SLC41A3: variants seen among roughly 807,000 people sequenced by gnomAD.
SLC41A3 encodes solute carrier family 41 member 3.
In SLC41A3, 44 loss-of-function variants were observed where a neutral mutation model predicts 45.4. That is an observed-to-expected ratio of 0.97 (90% confidence interval 0.76 to 1.25). SLC41A3 has a LOEUF of 1.25. Ranked by LOEUF, SLC41A3 falls within the 50% of genes most tolerant of loss-of-function variation. The pLI is 0.00. For synonymous variants in SLC41A3, 256 were observed against 252.4 expected, an observed-to-expected ratio of 1.01 and a Z score of -0.13; for missense variants, 550 against 600.6, an observed-to-expected ratio of 0.92 and a Z score of 0.88.
chr3:126,044,889 C>A (rs1942849074), intron 3 of SLC41A3, among the ~76,000 whole-genome samples: 1 of 56,594 alleles, frequency 1.8e-5, no homozygotes, highest in African/African-American at 6.6e-5. Flanking sequence ...GAGCGAGACT[C>A]CATCTCAAAA....
At chr3:126,081,955 A>G (rs1176925840) in intron 1 of SLC41A3, among the ~76,000 whole-genome samples, 1 of 152,250 alleles carries the variant, frequency 6.6e-6, no homozygotes, top group Non-Finnish European at 1.5e-5. Flanking sequence ...AGCTGTACCT[A>G]GAGAGCCCCA....
At chr3:126,015,343 T>G (rs948085470) in intron 8 of SLC41A3, 151 bp downstream of exon 8, 67 of 701,298 alleles carry the variant, frequency 9.6e-5, no homozygotes, top group Non-Finnish European at 8.2e-5. Flanking sequence ...TGCTCCAGCA[T>G]CCCTGTAAGG....
intron 6 of SLC41A3, among the ~76,000 whole-genome samples, chr3:126,020,271 G>A (rs1030357356): frequency 2.0e-5 from 3 of 152,214 alleles, no homozygotes; most frequent in Admixed American, 6.5e-5. Flanking sequence ...CCCCTGAAAC[G>A]ATTCCGTCTT....
At chr3:126,093,965 A>C (rs1945544593) in intron 1 of SLC41A3, among the ~76,000 whole-genome samples, 1 of 152,236 alleles carries the variant, frequency 6.6e-6, no homozygotes, top group Admixed American at 6.5e-5. Context: ...TGCTCAATTT[A>C]ACATAGTTAG....
chr3:126,074,974 G>A (rs1576362623), intron 1 of SLC41A3, among the ~76,000 whole-genome samples: 1 of 145,334 alleles, frequency 6.9e-6, no homozygotes, highest in Non-Finnish European at 1.5e-5. Context: ...CACCATGCTT[G>A]GCTAGTATTT....
At chr3:126,037,023 T>C (rs1393991401) in intron 3 of SLC41A3, among the ~76,000 whole-genome samples, 1 of 152,204 alleles carries the variant, frequency 6.6e-6, no homozygotes, top group South Asian at 2.1e-4. Flanking sequence ...CCAAATCTCA[T>C]GTGGAAATGT....
Position 126,067,969 on chromosome 3 carries a change from C to G in SLC41A3, c.251G>C (p.Gly84Ala), listed in dbSNP as rs1387490479. 6.2e-7 allele frequency: 1 copy of G among 1,606,054 alleles called. No individual in the cohort carries two copies. Among genetic ancestry groups the G allele is most frequent in the Admixed American group, 1.7e-5 (1 of 58,072 alleles). Reference sequence around the variant, plus strand: ...TACCTGGAAATAGTCCAGAAGCATGCCGGCCCAGGACAGTCCCAGGCCTGC... The same window carrying G: ...TACCTGGAAATAGTCCAGAAGCATGGCGGCCCAGGACAGTCCCAGGCCTGC... The part of the protein sequence containing the change: ...MFAGLGLSWA[G>A]MLLDYFQHWP... Residue 84 changes from glycine (G) to alanine (A), a missense_variant, in exon 2 of 11, where the codon GGC (glycine) becomes GCC (alanine). By Grantham distance (60) the Gly-to-Ala change is moderately conservative (BLOSUM62 0). Coordinates refer to ENST00000360370, the MANE Select transcript of SLC41A3 (RefSeq NM_017836.4).
At chr3:126,021,380 G>A (rs79234587) in intron 6 of SLC41A3, among the ~76,000 whole-genome samples, 10,663 of 152,178 alleles carry the variant, frequency 0.07, 1,068 homozygotes, top group African/African-American at 0.22. Context: ...CTGGTCCAGC[G>A]CTCCAGAGGA....
intron 6 of SLC41A3, among the ~76,000 whole-genome samples, chr3:126,018,606 T>A (rs1317681548): frequency 1.3e-5 from 2 of 152,310 alleles, no homozygotes; most frequent in African/African-American, 2.4e-5. Context: ...CTTTCTCAAA[T>A]CCCTAGGCCT....
intron 4 of SLC41A3, among the ~76,000 whole-genome samples, chr3:126,028,496 T>C (rs1941545264): frequency 6.6e-6 from 1 of 152,242 alleles, no homozygotes; most frequent in Admixed American, 6.5e-5. Flanking sequence ...TTTCAGAGGA[T>C]GTATGGAAAA....
rs1378159850 is a variant in SLC41A3 at position 126,008,775 on chromosome 3, C to T, written c.1211G>A (p.Ser404Asn). The change falls in exon 10 of 11, where the codon AGC (serine) becomes AAC (asparagine). Residue 404 changes from serine (S) to asparagine (N), a missense_variant. By Grantham distance (46) the Ser-to-Asn change is conservative. Transcript: ENST00000360370. ...CAGGTAGAGCACCACAAAGGTCTGG[C>T]TGTTTATGACTGACTGACCCTCCAC... is the stretch of plus-strand genomic sequence containing the variant. ...YLVEGQSVIN[S>N]QTFVVLYLLA... 4.3e-6 allele frequency: 7 copies of T among 1,614,122 alleles called. No individual in the cohort carries two copies. The highest frequency in any genetic ancestry group is 4.2e-6 in the Non-Finnish European group (5 of 1,179,990).
chr3:126,020,030 T>C (rs1324364477), intron 6 of SLC41A3, among the ~76,000 whole-genome samples: 2 of 152,102 alleles, frequency 1.3e-5, no homozygotes, highest in African/African-American at 2.4e-5. Flanking sequence ...GACAAAATAC[T>C]TCCAAAACTT....
chr3:126,010,664 G>T (rs1259254702), intron 9 of SLC41A3, among the ~76,000 whole-genome samples: 5 of 152,208 alleles, frequency 3.3e-5, no homozygotes, highest in Admixed American at 3.3e-4. Flanking sequence ...CCTGTGGCTG[G>T]CAGGGTGAGA....
At chr3:126,069,619 TA>T (rs1036885248) in intron 1 of SLC41A3, among the ~76,000 whole-genome samples, 1 of 151,990 alleles carries the variant, frequency 6.6e-6, no homozygotes, top group Admixed American at 6.6e-5. Context: ...TATGGCCCAT[TA>T]AAAAAAATTA....
At chr3:126,079,962 C>G (rs1398467987) in intron 1 of SLC41A3, among the ~76,000 whole-genome samples, 1 of 152,132 alleles carries the variant, frequency 6.6e-6, no homozygotes, top group Non-Finnish European at 1.5e-5. Flanking sequence ...AAGGAACATA[C>G]TCTGGGGAAA....
At chr3:126,088,666 G>T (rs1316928591), upstream of SLC41A3, among the ~76,000 whole-genome samples, 1 of 152,122 alleles carries the variant, frequency 6.6e-6, no homozygotes, top group Non-Finnish European at 1.5e-5. Context: ...CAGACCTGTG[G>T]CTATCAAAAA....
At chr3:126,024,236 C>T (rs141208618) in intron 5 of SLC41A3, 7 of 152,406 alleles carry the variant, frequency 4.6e-5, no homozygotes, top group African/African-American at 1.7e-4. Context: ...ATCTCTGGGC[C>T]TCAGTTTTCC....
intron 3 of SLC41A3, 95 bp from the exon 4 acceptor site, chr3:126,033,773 A>G (rs1576269213): frequency 7.8e-7 from 1 of 1,283,890 alleles, no homozygotes. Flanking sequence ...GAAGAAATCA[A>G]CAAATACCAT....
At chr3:126,051,835 C>T (rs1251801256) in intron 2 of SLC41A3, among the ~76,000 whole-genome samples, 2 of 152,090 alleles carry the variant, frequency 1.3e-5, no homozygotes, top group African/African-American at 4.8e-5. Flanking sequence ...GAATTCTAGA[C>T]CTGGAAACAA....
Sources: allele counts gnomAD v4.1 joint callset (sites outside exome capture counted in the v4.1 genomes callset), GRCh38; gene constraint gnomAD v4.1.1; transcripts MANE v1.5; gene names NCBI Gene and HGNC (gene_info 2026-07-23, HGNC 2026-07-21).